The following RANBP2 variants were observed in gnomAD, a reference collection of about 807,000 sequenced individuals.
RANBP2 encodes the protein RAN binding protein 2, also known as E3 SUMO-protein ligase RanBP2.
In RANBP2, 57 loss-of-function variants were observed where a neutral mutation model predicts 303.6. That is an observed-to-expected ratio of 0.19 (90% confidence interval 0.15 to 0.23). RANBP2 has a LOEUF of 0.23. RANBP2 is among the 10% of genes least tolerant of loss of function. RANBP2 has a pLI of 1.00. For missense variants in RANBP2, 3,138 were observed against 3,780.8 expected (o/e 0.83, Z 4.46); for synonymous variants, 1,167 against 1,301.5 (o/e 0.90, Z 2.23).
At chr2:109,588,334 G>A in the RANBP2 span, among the ~76,000 whole-genome samples, 2 of 152,070 alleles carry the variant, frequency 1.3e-5, no homozygotes, top group Non-Finnish European at 2.9e-5. Context: ...AAATGTAAGA[G>A]AGGTTTTTTT....
the RANBP2 span, chr2:109,545,778 T>C: frequency 1.4e-6 from 2 of 1,428,304 alleles, no homozygotes; most frequent in South Asian, 1.6e-5. Context: ...CCCAGCTAAC[T>C]GATCCTTTTC....
At chr2:108,970,905 A>G in the RANBP2 span, among the ~76,000 whole-genome samples, 2 of 152,178 alleles carry the variant, frequency 1.3e-5, no homozygotes, top group Non-Finnish European at 2.9e-5. Flanking sequence ...TAGATTTGCT[A>G]ATTCTTTTCT....
At chr2:109,512,163 ACT>A in the RANBP2 span, among the ~76,000 whole-genome samples, 3 of 150,672 alleles carry the variant, frequency 2.0e-5, no homozygotes, top group Non-Finnish European at 4.4e-5. Flanking sequence ...CCTGCTGGAA[ACT>A]CTCTTCCTGG....
At chr2:108,877,187 G>C in the RANBP2 span, among the ~76,000 whole-genome samples, 3 of 152,120 alleles carry the variant, frequency 2.0e-5, no homozygotes, top group Non-Finnish European at 2.9e-5. Context: ...AATGCAGAAG[G>C]CCAGGCGCGG....
At chr2:108,895,486 T>G in the RANBP2 span, 2 of 152,288 alleles carry the variant, frequency 1.3e-5, no homozygotes, top group African/African-American at 4.8e-5. Flanking sequence ...TTTATTAACT[T>G]TCTGCCTATA....
intron 17 of RANBP2, among the ~76,000 whole-genome samples, chr2:108,757,372 A>T (rs576839852): frequency 6.6e-6 from 1 of 152,318 alleles, no homozygotes; most frequent in African/African-American, 2.4e-5. Context: ...TTAAGAAAAC[A>T]TTTTTGGAGT....
the RANBP2 span, among the ~76,000 whole-genome samples, chr2:108,846,071 A>AAC: frequency 6.6e-6 from 1 of 152,162 alleles, no homozygotes; most frequent in Non-Finnish European, 1.5e-5. Flanking sequence ...AATCAGAGTT[A>AAC]GCTGAAGGGA....
the RANBP2 span, among the ~76,000 whole-genome samples, chr2:109,170,057 G>A: frequency 6.6e-6 from 1 of 152,030 alleles, no homozygotes; most frequent in African/African-American, 2.4e-5. Context: ...TGATAATCAT[G>A]GCATTTTGGC....
At chr2:108,793,399 A>G in the RANBP2 span, among the ~76,000 whole-genome samples, 1 of 151,986 alleles carries the variant, frequency 6.6e-6, no homozygotes, top group Non-Finnish European at 1.5e-5. Flanking sequence ...AATTGTTAAA[A>G]GAAAATAAAT....
chr2:109,423,361 G>A, the RANBP2 span, among the ~76,000 whole-genome samples: 4 of 152,152 alleles, frequency 2.6e-5, no homozygotes, highest in African/African-American at 7.2e-5. Context: ...AGACCTTGCT[G>A]TGATCAGGAG....
chr2:109,399,012 G>A, the RANBP2 span: 5 of 1,457,638 alleles, frequency 3.4e-6, no homozygotes, highest in Non-Finnish European at 2.8e-6. Flanking sequence ...TCCGTGTTCA[G>A]TGTCCCCCGT....
chr2:108,862,490 T>C, the RANBP2 span, among the ~76,000 whole-genome samples: 1 of 152,162 alleles, frequency 6.6e-6, no homozygotes, highest in Non-Finnish European at 1.5e-5. Context: ...TATAATGTGG[T>C]GATTACAGTT....
chr2:109,648,507 C>T, the RANBP2 span, among the ~76,000 whole-genome samples: 3 of 152,032 alleles, frequency 2.0e-5, no homozygotes, highest in Admixed American at 6.6e-5. Flanking sequence ...TGATGCCCGG[C>T]TAATTTTGTA....
At chr2:109,169,954 A>T in the RANBP2 span, among the ~76,000 whole-genome samples, 1 of 152,144 alleles carries the variant, frequency 6.6e-6, no homozygotes, top group African/African-American at 2.4e-5. Context: ...TCTTTAAGAG[A>T]CTTTAATGTT....
chr2:109,621,914 A>AAAATAAAT, the RANBP2 span, among the ~76,000 whole-genome samples: 17,040 of 146,468 alleles, frequency 0.12, 1,192 homozygotes, highest in East Asian at 0.31. Flanking sequence ...CTCCATCTCA[A>AAAATAAAT]AAATAAATAA....
the RANBP2 span, among the ~76,000 whole-genome samples, chr2:109,116,478 C>A: frequency 6.6e-6 from 1 of 152,228 alleles, no homozygotes; most frequent in Non-Finnish European, 1.5e-5. Context: ...GCTTTCAGCT[C>A]CATCAGCTCC....
chr2:109,377,771 C>T, the RANBP2 span, among the ~76,000 whole-genome samples: 1 of 152,166 alleles, frequency 6.6e-6, no homozygotes, highest in African/African-American at 2.4e-5. Flanking sequence ...TTGGTTGATG[C>T]AGCAACATCA....
At chr2:109,351,411 A>G in the RANBP2 span, among the ~76,000 whole-genome samples, 1 of 152,228 alleles carries the variant, frequency 6.6e-6, no homozygotes, top group Non-Finnish European at 1.5e-5. Flanking sequence ...TAAATTGTGG[A>G]GCCTAGGGCT....
At chr2:109,539,318 G>A in the RANBP2 span, among the ~76,000 whole-genome samples, 1 of 152,020 alleles carries the variant, frequency 6.6e-6, no homozygotes, top group East Asian at 1.9e-4. Context: ...AAAATATTGA[G>A]TGCACAGTTC....
Sources: gnomAD v4.1 joint callset for allele counts (sites outside exome capture counted in the v4.1 genomes callset) on GRCh38, gnomAD v4.1.1 for gene constraint, MANE v1.5 for transcripts, NCBI Gene and HGNC (gene_info 2026-07-23, HGNC 2026-07-21) for gene names.